Variants in PTN observed in about 807,000 individuals in gnomAD.
PTN encodes the protein heparin affin regulatory protein.
In PTN, 18 loss-of-function variants were observed where a neutral mutation model predicts 24.1. The observed-to-expected ratio is 0.75, with a 90% CI of 0.52 to 1.11. The LOEUF (loss-of-function observed/expected upper bound fraction) is 1.11. Ranked by LOEUF, PTN falls within the 50% of genes least tolerant of loss-of-function variation. PTN has a pLI of 0.00. For synonymous variants in PTN, 78 were observed against 68.6 expected, an observed-to-expected ratio of 1.14 and a Z score of -0.67; for missense variants, 163 against 198.8, an observed-to-expected ratio of 0.82 and a Z score of 1.08.
At chr7:137,294,978 A>G (rs1269200545) in intron 1 of PTN, among the ~76,000 whole-genome samples, 1 of 152,134 alleles carries the variant, frequency 6.6e-6, no homozygotes, top group Non-Finnish European at 1.5e-5. Context: ...TGGGTCACCC[A>G]TCTGGTGACT....
chr7:137,265,526 G>A (rs532830103), intron 1 of PTN, among the ~76,000 whole-genome samples: 4 of 152,350 alleles, frequency 2.6e-5, no homozygotes, highest in South Asian at 4.1e-4. Flanking sequence ...GAGAGACAAC[G>A]AAGTGAACTT....
chr7:137,293,829 C>T (rs375016178), intron 1 of PTN, among the ~76,000 whole-genome samples: 1 of 152,090 alleles, frequency 6.6e-6, no homozygotes, highest in East Asian at 1.9e-4. Context: ...TTCTTGGTGT[C>T]GTACATTCTA....
In PTN at chr7:137,280,274, C is replaced by T. The variant is rs186404909; in HGVS notation, c.-1-25300G>A. 4.5e-3 allele frequency among the ~76,000 whole-genome samples: 678 copies of T among 152,176 alleles called. 3 individuals carry two copies. Among genetic ancestry groups the T allele is most frequent in the Non-Finnish European group, 7.6e-3 (515 of 68,018 alleles). ...AAGGTAGTAAAGTTCTGTTTGGATA[C>T]ATTTAATTTAAGATGCCAGTAGGAC... On this transcript the variant is annotated intron_variant, in intron 1 of 4. Coordinates refer to ENST00000348225, the MANE Select transcript of PTN (RefSeq NM_002825.7).
intron 1 of PTN, among the ~76,000 whole-genome samples, chr7:137,288,083 T>C (rs1316662913): frequency 1.3e-5 from 2 of 152,100 alleles, no homozygotes; most frequent in Non-Finnish European, 2.9e-5. Context: ...TGGGGTCAGG[T>C]CTCAAGTGGT....
At chr7:137,268,987 T>C (rs1417575077) in intron 1 of PTN, among the ~76,000 whole-genome samples, 1 of 152,192 alleles carries the variant, frequency 6.6e-6, no homozygotes, top group African/African-American at 2.4e-5. Flanking sequence ...AGATTTTTGT[T>C]GTTCTGTTTC....
In PTN at chr7:137,335,928, CT is replaced by C. The variant is rs35429933; in HGVS notation, c.-2+7510del. On this transcript the variant is annotated intron_variant, in intron 1 of 4. Coordinates refer to ENST00000348225, the MANE Select transcript of PTN (RefSeq NM_002825.7). ...CAGCCTCATTTAAGATGTCTTCTCG[CT>C]TTTTTTTTTTTTTTTTAGTATGACT... Among the ~76,000 whole-genome samples, 507 of 141,898 alleles carry C rather than the reference CT, an allele frequency of 3.6e-3. 2 individuals carry two copies. Among genetic ancestry groups the C allele is most frequent in the African/African-American group, 7.8e-3 (294 of 37,930 alleles). 93.1% of individuals were successfully genotyped at this position (141,898 alleles called of 152,430 possible).
chr7:137,233,961 T>C (rs1808474885), intron 4 of PTN, among the ~76,000 whole-genome samples: 2 of 149,696 alleles, frequency 1.3e-5, no homozygotes, highest in South Asian at 2.1e-4. Context: ...CACGTATACA[T>C]ATACATATAT....
At position 137,289,895 on chromosome 7, in the gene PTN, G is replaced by A. The variant is rs144330457; in HGVS notation, c.-1-34921C>T. 1.5e-3 allele frequency among the ~76,000 whole-genome samples: 224 copies of A among 152,236 alleles called. 2 individuals carry two copies. The highest frequency in any genetic ancestry group is 4.6e-3 in the African/African-American group (190 of 41,516). ...GAACTTCTGATTTACATAACTGTGCGTTAATCATAAGAATCGTTTTAAGTC... is the reference window on the plus strand; with the variant it reads ...GAACTTCTGATTTACATAACTGTGCATTAATCATAAGAATCGTTTTAAGTC... On this transcript the variant is annotated intron_variant, in intron 1 of 4. Coordinates refer to ENST00000348225, the MANE Select transcript of PTN (RefSeq NM_002825.7).
At position 137,311,463 on chromosome 7, in the gene PTN, A is replaced by G. The variant is rs542350774; in HGVS notation, c.-2+31976T>C. 2.0e-5 allele frequency among the ~76,000 whole-genome samples: 3 copies of G among 152,280 alleles called. No homozygotes were observed. The South Asian group carries it at 6.2e-4, about 32-fold the overall frequency. ...TCACAATTTGGCTGTTTGGCATGAAAGGCTTTGCTTTTGGCCTATCTTGAC... is the reference window on the plus strand; with the variant it reads ...TCACAATTTGGCTGTTTGGCATGAAGGGCTTTGCTTTTGGCCTATCTTGAC... On this transcript the variant is annotated intron_variant, in intron 1 of 4. Coordinates refer to ENST00000348225, the MANE Select transcript of PTN (RefSeq NM_002825.7).
At chr7:137,306,024 G>T (rs1809882688) in intron 1 of PTN, among the ~76,000 whole-genome samples, 1 of 151,998 alleles carries the variant, frequency 6.6e-6, no homozygotes, top group African/African-American at 2.4e-5. Flanking sequence ...CTCATGAAAA[G>T]AACCCAAAAA....
intron 4 of PTN, among the ~76,000 whole-genome samples, chr7:137,241,200 C>A (rs1417023785): frequency 6.6e-6 from 1 of 152,160 alleles, no homozygotes; most frequent in East Asian, 1.9e-4. Context: ...CACCTCCCAC[C>A]AGGTCCCTCC....
intron 1 of PTN, among the ~76,000 whole-genome samples, chr7:137,313,560 A>G (rs1810019326): frequency 6.6e-6 from 1 of 152,194 alleles, no homozygotes. Context: ...TGTTTAAACT[A>G]TAATAGCTGG....
At chr7:137,300,167 A>G (rs1314081035) in intron 1 of PTN, among the ~76,000 whole-genome samples, 1 of 151,788 alleles carries the variant, frequency 6.6e-6, no homozygotes, top group Non-Finnish European at 1.5e-5. Flanking sequence ...ATTAAAATTC[A>G]CAATTTAAAC....
intron 4 of PTN, among the ~76,000 whole-genome samples, chr7:137,249,156 A>G (rs1240772653): frequency 6.6e-6 from 1 of 152,034 alleles, no homozygotes; most frequent in African/African-American, 2.4e-5. Flanking sequence ...CAAACTTTTC[A>G]ACATTTTATG....
At chr7:137,330,532 G>T (rs996145255) in intron 1 of PTN, among the ~76,000 whole-genome samples, 1 of 152,126 alleles carries the variant, frequency 6.6e-6, no homozygotes, top group African/African-American at 2.4e-5. Context: ...CCCACAAAAA[G>T]CACACTTTAG....
rs940505274 is a variant in PTN, at chr7:137,227,354, A to T, written c.*666T>A. On this transcript the variant is annotated 3_prime_UTR_variant, in exon 5 of 5. Transcript: ENST00000348225. The stretch of plus-strand genomic sequence containing the variant: ...CACAAAAACAACTTTTTTTTTCAGC[A>T]TCACCTTGATTTATTTTCCTAGTAT... 6.6e-6 allele frequency: 1 copy of T among 151,754 alleles called. No individual in the cohort carries two copies. Among genetic ancestry groups the T allele is most frequent in the Non-Finnish European group, 1.5e-5 (1 of 67,686 alleles). 9.4% of individuals were successfully genotyped at this position (151,754 alleles called of 1,614,324 possible).
At chr7:137,326,315 C>T (rs1203109839) in intron 1 of PTN, 1 of 152,282 alleles carries the variant, frequency 6.6e-6, no homozygotes, top group African/African-American at 2.4e-5. Flanking sequence ...TCTTCCCCTA[C>T]ATTTCCCCTT....
intron 4 of PTN, among the ~76,000 whole-genome samples, chr7:137,242,644 T>C (rs918685911): frequency 3.9e-5 from 6 of 152,200 alleles, no homozygotes; most frequent in African/African-American, 1.4e-4. Context: ...TACTAGAATG[T>C]TCCAAGATGA....
At chr7:137,237,219 G>C (rs1206134016) in intron 4 of PTN, among the ~76,000 whole-genome samples, 1 of 152,096 alleles carries the variant, frequency 6.6e-6, no homozygotes, top group East Asian at 1.9e-4. Context: ...GCATTTACAA[G>C]AAGAGGAAAT....
Sources: allele counts gnomAD v4.1 joint callset (sites outside exome capture counted in the v4.1 genomes callset), GRCh38; gene constraint gnomAD v4.1.1; transcripts MANE v1.5; gene names NCBI Gene and HGNC (gene_info 2026-07-23, HGNC 2026-07-21).